The following SCML4 variants were observed in gnomAD, a reference collection of about 807,000 sequenced individuals.
The protein encoded by SCML4 is Scm polycomb group protein like 4, also known as sex comb on midleg-like protein 4.
In SCML4, 34 loss-of-function variants were observed where a neutral mutation model predicts 41.1. The observed-to-expected ratio is 0.83, with a 90% CI of 0.63 to 1.10. The LOEUF is 1.10. SCML4 is among the 50% of genes least tolerant of loss of function. The pLI is 0.00. For synonymous variants in SCML4, 214 were observed against 220.9 expected, an observed-to-expected ratio of 0.97 and a Z score of 0.28; for missense variants, 522 against 534.1, an observed-to-expected ratio of 0.98 and a Z score of 0.22.
chr6:107,779,125 A>G (rs542258631), intron 1 of SCML4, among the ~76,000 whole-genome samples: 1 of 152,186 alleles, frequency 6.6e-6, no homozygotes, highest in East Asian at 1.9e-4. Context: ...GCTTGCAGTG[A>G]GACAAGATCG....
chr6:107,736,578 T>C (rs2114468531), intron 5 of SCML4, among the ~76,000 whole-genome samples: 1 of 152,330 alleles, frequency 6.6e-6, no homozygotes, highest in Middle Eastern at 3.4e-3. Flanking sequence ...AGCTCAGCAC[T>C]ATCTGCCAAC....
At chr6:107,709,743 T>C (rs1246263585) in intron 6 of SCML4, among the ~76,000 whole-genome samples, 2 of 152,162 alleles carry the variant, frequency 1.3e-5, no homozygotes, top group African/African-American at 2.4e-5. Flanking sequence ...AGAGTTTCAC[T>C]CTTGTTGCGC....
chr6:107,825,496 A>G (rs1785214781), upstream of SCML4, among the ~76,000 whole-genome samples: 1 of 152,270 alleles, frequency 6.6e-6, no homozygotes, highest in Non-Finnish European at 1.5e-5. Flanking sequence ...AAGCCTTGTA[A>G]TTAATTGAGC....
intron 2 of SCML4, among the ~76,000 whole-genome samples, chr6:107,757,010 C>T (rs181227704): frequency 3.3e-5 from 5 of 152,270 alleles, no homozygotes; most frequent in African/African-American, 4.8e-5. Context: ...GCAGGTGTGG[C>T]GACCCCTCAT....
chr6:107,832,354 AC>A, the SCML4 span, among the ~76,000 whole-genome samples: 41 of 152,342 alleles, frequency 2.7e-4, no homozygotes, highest in Non-Finnish European at 5.3e-4. Flanking sequence ...GAATCATCTT[AC>A]GCCTGGCTTC....
At chr6:107,801,903 T>A (rs1190136684) in intron 1 of SCML4, among the ~76,000 whole-genome samples, 2 of 152,010 alleles carry the variant, frequency 1.3e-5, no homozygotes, top group Non-Finnish European at 2.9e-5. Context: ...TAGCTGGGAT[T>A]ACAGACACCC....
intron 1 of SCML4, among the ~76,000 whole-genome samples, chr6:107,821,378 G>C (rs913712438): frequency 2.0e-5 from 3 of 152,120 alleles, no homozygotes; most frequent in African/African-American, 7.2e-5. Flanking sequence ...GCAGAATTAA[G>C]AAATAAGATG....
At chr6:107,832,367 C>G in the SCML4 span, among the ~76,000 whole-genome samples, 1 of 152,226 alleles carries the variant, frequency 6.6e-6, no homozygotes. Context: ...CCTGGCTTCC[C>G]TCATGGTCAC....
chr6:107,839,991 A>G, the SCML4 span, among the ~76,000 whole-genome samples: 1 of 152,230 alleles, frequency 6.6e-6, no homozygotes, highest in Non-Finnish European at 1.5e-5. Context: ...TTAAAAATGT[A>G]AACCGAATTT....
intron 1 of SCML4, among the ~76,000 whole-genome samples, chr6:107,776,481 A>C (rs1172369104): frequency 6.6e-6 from 1 of 152,202 alleles, no homozygotes; most frequent in African/African-American, 2.4e-5. Context: ...TTACAAGAAA[A>C]GATTCTGCAC....
At chr6:107,811,555 G>A (rs1230900443) in intron 1 of SCML4, among the ~76,000 whole-genome samples, 2 of 152,198 alleles carry the variant, frequency 1.3e-5, no homozygotes, top group East Asian at 1.9e-4. Context: ...TGTGTAAGCT[G>A]AGGGCTGCCC....
intron 7 of SCML4, among the ~76,000 whole-genome samples, chr6:107,706,511 A>G (rs1396074015): frequency 6.6e-6 from 1 of 152,216 alleles, no homozygotes; most frequent in African/African-American, 2.4e-5. Context: ...AAACAAAAAT[A>G]ATGGTCACTG....
chr6:107,835,860 G>A, the SCML4 span, among the ~76,000 whole-genome samples: 3 of 151,708 alleles, frequency 2.0e-5, no homozygotes, highest in Non-Finnish European at 2.9e-5. Context: ...CTAAAAGAAG[G>A]AAAATAGAAA....
intron 1 of SCML4, among the ~76,000 whole-genome samples, chr6:107,780,224 G>A (rs980023461): frequency 2.0e-5 from 3 of 152,042 alleles, no homozygotes; most frequent in East Asian, 1.9e-4. Context: ...TTGATAGAAC[G>A]AAACCTTCAT....
chr6:107,845,792 C>T, the SCML4 span, among the ~76,000 whole-genome samples: 2 of 152,230 alleles, frequency 1.3e-5, no homozygotes, highest in Non-Finnish European at 2.9e-5. Context: ...TTACTATGAA[C>T]ATTTACTACA....
chr6:107,759,147 A>C (rs994984519), intron 2 of SCML4, among the ~76,000 whole-genome samples: 6 of 150,942 alleles, frequency 4.0e-5, no homozygotes, highest in Non-Finnish European at 7.4e-5. Flanking sequence ...AAAAAAAAAA[A>C]AAAAAAACCT....
intron 3 of SCML4, among the ~76,000 whole-genome samples, chr6:107,747,623 TTA>T (rs988667550): frequency 4.7e-5 from 7 of 149,798 alleles, no homozygotes; most frequent in Admixed American, 4.0e-4. Context: ...TTACATAATA[TTA>T]TATATATAAA....
chr6:107,780,408 C>T (rs1251019811), intron 1 of SCML4, among the ~76,000 whole-genome samples: 1 of 152,190 alleles, frequency 6.6e-6, no homozygotes, highest in East Asian at 1.9e-4. Flanking sequence ...CTATTCTCCA[C>T]CATAAATAAA....
chr6:107,770,564 A>G (rs1400183629), intron 2 of SCML4, among the ~76,000 whole-genome samples: 3 of 152,200 alleles, frequency 2.0e-5, no homozygotes, highest in African/African-American at 4.8e-5. Flanking sequence ...GAGAAACTCT[A>G]TGAGGAAATG....
Sources: allele counts gnomAD v4.1 joint callset (sites outside exome capture counted in the v4.1 genomes callset), GRCh38; gene constraint gnomAD v4.1.1; transcripts MANE v1.5; gene names NCBI Gene and HGNC (gene_info 2026-07-23, HGNC 2026-07-21).